LRBA: variants seen among roughly 807,000 people sequenced by gnomAD.
LRBA encodes the protein lipopolysaccharide-responsive and beige-like anchor protein.
In LRBA, 176 loss-of-function variants were observed where a neutral mutation model predicts 330.0. The ratio of observed to expected loss-of-function variants is 0.53; its 90% CI spans 0.47 to 0.60. LRBA has a LOEUF of 0.60. Ranked by LOEUF, LRBA falls within the 20% of genes least tolerant of loss-of-function variation. The probability of loss-of-function intolerance (pLI) is 0.00; values close to 1 mark genes in which losing one functional copy is unlikely to be tolerated. For synonymous variants in LRBA, 1,230 were observed against 1,193.0 expected (o/e 1.03, Z -0.64); for missense variants, 3,259 against 3,444.8 (o/e 0.95, Z 1.35).
intron 40 of LRBA, among the ~76,000 whole-genome samples, chr4:150,574,349 C>T (rs1216516375): frequency 6.6e-6 from 1 of 151,988 alleles, no homozygotes; most frequent in Non-Finnish European, 1.5e-5. Context: ...AAAGCCTAAA[C>T]ATCTGCAGAA....
In LRBA at chr4:150,817,273, T is replaced by A; in HGVS notation, c.5172-16A>T. On this transcript the variant is annotated splice_polypyrimidine_tract_variant and intron_variant, in intron 30 of 56. Coordinates refer to ENST00000651943, the MANE Select transcript of LRBA (RefSeq NM_001364905.1). ...AATGACACTTCTGTAATAAAGAAAG[T>A]AAACAGACTGAAAGATACAAATTGA... The A allele has an allele frequency of 6.2e-7, 1 of 1,609,174 alleles. No individual in the cohort carries two copies. Among genetic ancestry groups the A allele is most frequent in the Non-Finnish European group, 8.5e-7 (1 of 1,176,326 alleles).
At chr4:150,721,048 A>G in intron 36 of LRBA, 1 of 560,884 alleles carries the variant, frequency 1.8e-6, no homozygotes. Context: ...ATCAAGGCCA[A>G]CTATCCTCCA....
At chr4:150,408,751 A>G (rs2151941818) in intron 47 of LRBA, among the ~76,000 whole-genome samples, 1 of 152,298 alleles carries the variant, frequency 6.6e-6, no homozygotes, top group East Asian at 1.9e-4. Flanking sequence ...TTAACAACCA[A>G]AAATCAATTT....
chr4:150,890,555 GGA>G (rs1032763986), intron 17 of LRBA, among the ~76,000 whole-genome samples: 2 of 152,138 alleles, frequency 1.3e-5, no homozygotes, highest in African/African-American at 4.8e-5. Context: ...TAGAAAAAGA[GGA>G]GATAGATGGT....
At chr4:150,998,411 T>C (rs1212340248) in intron 2 of LRBA, among the ~76,000 whole-genome samples, 2 of 150,882 alleles carry the variant, frequency 1.3e-5, no homozygotes, top group African/African-American at 4.9e-5. Flanking sequence ...TAGAGTACAG[T>C]GGCATAATCA....
intron 36 of LRBA, among the ~76,000 whole-genome samples, chr4:150,719,284 CAAAAG>C (rs1728622767): frequency 6.6e-6 from 1 of 151,900 alleles, no homozygotes; most frequent in Admixed American, 6.6e-5. Flanking sequence ...CATTCACACA[CAAAAG>C]AACACACACT....
intron 46 of LRBA, among the ~76,000 whole-genome samples, chr4:150,434,543 T>C (rs773907926): frequency 2.0e-5 from 3 of 152,190 alleles, no homozygotes; most frequent in East Asian, 1.9e-4. Flanking sequence ...TTTCAGACTA[T>C]AGTAATTTTG....
At chr4:150,433,155 G>A (rs1375054814) in intron 46 of LRBA, among the ~76,000 whole-genome samples, 1 of 152,146 alleles carries the variant, frequency 6.6e-6, no homozygotes, top group African/African-American at 2.4e-5. Context: ...AGCTGGATTT[G>A]ACTCCTTATT....
At chr4:150,431,115 A>T (rs528359932) in intron 46 of LRBA, among the ~76,000 whole-genome samples, 6 of 152,346 alleles carry the variant, frequency 3.9e-5, no homozygotes, top group Admixed American at 6.5e-5. Flanking sequence ...AAATTTGGTC[A>T]TAATAATTCA....
intron 42 of LRBA, among the ~76,000 whole-genome samples, chr4:150,485,613 G>A (rs987172533): frequency 6.6e-6 from 1 of 151,886 alleles, no homozygotes; most frequent in Admixed American, 6.6e-5. Context: ...AGAGGGAGAA[G>A]AGAGGCATCT....
chr4:150,952,418 T>C (rs975474131), intron 2 of LRBA, among the ~76,000 whole-genome samples: 2 of 152,150 alleles, frequency 1.3e-5, no homozygotes, highest in Non-Finnish European at 2.9e-5. Flanking sequence ...AAGAAGTGGG[T>C]TGAGGAGAGG....
intron 37 of LRBA, among the ~76,000 whole-genome samples, chr4:150,661,637 G>A (rs1489827424): frequency 1.3e-5 from 2 of 151,856 alleles, no homozygotes; most frequent in East Asian, 1.9e-4. Context: ...TTGAGACTGA[G>A]TCTCACTCTA....
intron 40 of LRBA, among the ~76,000 whole-genome samples, chr4:150,533,127 T>C (rs1764226505): frequency 6.6e-6 from 1 of 152,116 alleles, no homozygotes; most frequent in Non-Finnish European, 1.5e-5. Context: ...CAACTGACAA[T>C]ATCAATATTT....
At chr4:150,765,434 G>T (rs903618891) in intron 34 of LRBA, among the ~76,000 whole-genome samples, 13 of 152,044 alleles carry the variant, frequency 8.6e-5, no homozygotes, top group African/African-American at 3.1e-4. Flanking sequence ...GTCAAAGGAG[G>T]TTCATGCATT....
chr4:150,741,068 G>T (rs1261184663), intron 35 of LRBA, among the ~76,000 whole-genome samples: 1 of 151,984 alleles, frequency 6.6e-6, no homozygotes, highest in Non-Finnish European at 1.5e-5. Flanking sequence ...AAAGTTTCTA[G>T]AAGATTACAT....
chr4:150,691,921 C>G (rs1229865118), intron 36 of LRBA, among the ~76,000 whole-genome samples: 1 of 151,922 alleles, frequency 6.6e-6, no homozygotes, highest in Non-Finnish European at 1.5e-5. Context: ...CCAAAATAAT[C>G]CAGAGTACCT....
chr4:150,733,505 T>C (rs917646653), intron 36 of LRBA, among the ~76,000 whole-genome samples: 3 of 151,858 alleles, frequency 2.0e-5, no homozygotes, highest in African/African-American at 7.2e-5. Context: ...GCTTTATTCT[T>C]ACAACTTTCC....
Position 150,485,736 on chromosome 4 carries a change from A to T in LRBA, c.6551+1996T>A, listed in dbSNP as rs558443993. Among the ~76,000 whole-genome samples the T allele has an allele frequency of 3.3e-5, 5 of 152,074 alleles. No individual in the cohort carries two copies. In the South Asian group the frequency reaches 1.0e-3, roughly 32 times the overall value. ...CTTGCCTCCAAAACTGTGAGACAAC[A>T]CATTTCTGTTGTTTAAGCCACCCAA... On this transcript the variant is annotated intron_variant, in intron 42 of 56. Coordinates refer to ENST00000651943, the MANE Select transcript of LRBA (RefSeq NM_001364905.1).
At chr4:150,841,094 C>T (rs1186616763) in intron 28 of LRBA, 1 of 545,516 alleles carries the variant, frequency 1.8e-6, no homozygotes, top group East Asian at 8.6e-5. Flanking sequence ...TTTTTATAAA[C>T]CACCCCTTTT....
Sources: gnomAD v4.1 joint callset for allele counts (sites outside exome capture counted in the v4.1 genomes callset) on GRCh38, gnomAD v4.1.1 for gene constraint, MANE v1.5 for transcripts, NCBI Gene and HGNC (gene_info 2026-07-23, HGNC 2026-07-21) for gene names.